DENND2B: variants seen among roughly 807,000 people sequenced by gnomAD.
DENND2B encodes DENN domain-containing protein 2B.
In DENND2B, 32 loss-of-function variants were observed where a neutral mutation model predicts 116.0. The ratio of observed to expected loss-of-function variants is 0.28; its 90% CI spans 0.21 to 0.37. The LOEUF (loss-of-function observed/expected upper bound fraction) is 0.37, where lower values mean the gene tolerates loss of function less well. DENND2B is among the 10% of genes least tolerant of loss of function. The probability of loss-of-function intolerance (pLI) is 1.00; values close to 1 mark genes in which losing one functional copy is unlikely to be tolerated. For synonymous variants in DENND2B, 588 were observed against 583.9 expected, an observed-to-expected ratio of 1.01 and a Z score of -0.10; for missense variants, 1,276 against 1,477.7, an observed-to-expected ratio of 0.86 and a Z score of 2.24.
At chr11:8,881,503 T>C (rs142245533) in intron 1 of DENND2B, among the ~76,000 whole-genome samples, 231 of 152,316 alleles carry the variant, frequency 1.5e-3, no homozygotes, top group African/African-American at 5.4e-3. Flanking sequence ...ATTTCAACTA[T>C]GATTTTTTAA....
At chr11:8,729,048 C>T (rs1328313446) in intron 3 of DENND2B, among the ~76,000 whole-genome samples, 5 of 152,146 alleles carry the variant, frequency 3.3e-5, no homozygotes, top group Non-Finnish European at 7.3e-5. Flanking sequence ...CCTTTCTGCA[C>T]ATGGCAGGAA....
chr11:8,735,306 T>C (rs1238495418), intron 2 of DENND2B, among the ~76,000 whole-genome samples: 2 of 152,156 alleles, frequency 1.3e-5, no homozygotes, highest in Non-Finnish European at 2.9e-5. Context: ...CCGAGGCACC[T>C]CTGTCAATAG....
Position 8,762,784 on chromosome 11 carries a change from C to T in DENND2B, c.-25-12059G>A, listed in dbSNP as rs138170327. 9.3e-3 allele frequency among the ~76,000 whole-genome samples: 1,414 copies of T among 152,218 alleles called. 26 individuals carry two copies. The highest frequency in any genetic ancestry group is 0.033 in the African/African-American group (1,358 of 41,548). On this transcript the variant is annotated intron_variant, in intron 1 of 19. Transcript: ENST00000313726. ...CTGAGGCAGGAGAATCGCTTGAACC[C>T]GGGAGGCAGAGGTTGCGGTGAGCCA...
chr11:8,766,619 A>T, intron 1 of DENND2B: 1 of 1,289,078 alleles, frequency 7.8e-7, no homozygotes, highest in South Asian at 1.2e-5. Context: ...TTCTGGGTGA[A>T]GATCTGCACG....
intron 1 of DENND2B, among the ~76,000 whole-genome samples, chr11:8,899,761 T>C (rs183035219): frequency 6.6e-6 from 1 of 152,202 alleles, no homozygotes; most frequent in African/African-American, 2.4e-5. Flanking sequence ...CAGAGAGGAA[T>C]GTAGAACATC....
chr11:8,802,970 A>AT (rs2060486275), intron 1 of DENND2B, among the ~76,000 whole-genome samples: 1 of 152,200 alleles, frequency 6.6e-6, no homozygotes, highest in South Asian at 2.1e-4. Context: ...TTACTCAAAT[A>AT]TTTTTTAAGC....
chr11:8,815,133 G>A (rs1046459102), upstream of DENND2B, among the ~76,000 whole-genome samples: 1 of 151,928 alleles, frequency 6.6e-6, no homozygotes, highest in Non-Finnish European at 1.5e-5. Flanking sequence ...CAGCTCCCAC[G>A]ATGACAAGGT....
intron 1 of DENND2B, among the ~76,000 whole-genome samples, chr11:8,890,575 T>C (rs1462951258): frequency 3.9e-5 from 6 of 151,996 alleles, no homozygotes; most frequent in Non-Finnish European, 5.9e-5. Context: ...AACCATGGCA[T>C]GAGAACTACG....
In DENND2B at chr11:8,712,022, G is replaced by A. The variant is rs1430592025; in HGVS notation, c.2172+529C>T. The A allele has an allele frequency of 2.2e-6, 1 of 455,718 alleles. No homozygotes were observed. Among genetic ancestry groups the A allele is most frequent in the Admixed American group, 2.4e-5 (1 of 42,530 alleles). The allele number at this position is 455,718 out of a possible 1,614,324, so 28.2% of individuals were successfully genotyped here. ...GGAGCCAGCAGCCACGTGAAGAGCT[G>A]GAGAAAGCACATTCCTGGCAGAGGC... On this transcript the variant is annotated intron_variant, in intron 9 of 19. Transcript: ENST00000313726. This position sits in a 1 kb window ranked among gnomAD's most constrained non-coding sequence, Gnocchi z 4.4.
At chr11:8,857,858 C>T (rs1300310879) in intron 2 of DENND2B, among the ~76,000 whole-genome samples, 1 of 152,238 alleles carries the variant, frequency 6.6e-6, no homozygotes. Flanking sequence ...GACTAGTTCA[C>T]CCTATAGCCC....
intron 5 of DENND2B, 110 bp downstream of exon 5, chr11:8,717,631 T>G: frequency 1.5e-6 from 2 of 1,341,728 alleles, no homozygotes; most frequent in Non-Finnish European, 2.0e-6. Flanking sequence ...CTTTATCAAG[T>G]ACTAGTGAGG....
intron 1 of DENND2B, among the ~76,000 whole-genome samples, chr11:8,799,436 T>C (rs2060118959): frequency 6.6e-6 from 1 of 152,156 alleles, no homozygotes; most frequent in African/African-American, 2.4e-5. Context: ...AAAGCCTCAA[T>C]TCTCAGAACA....
Position 8,702,535 on chromosome 11 carries a change from C to A in DENND2B, c.2720+37G>T. Reference sequence around the variant, plus strand: ...TGATTCGCTTGTGGGTGTGCCTTCCCCCCTCCCTTCTGCTTTCTTGCCCGG... The same window carrying A: ...TGATTCGCTTGTGGGTGTGCCTTCCACCCTCCCTTCTGCTTTCTTGCCCGG... On this transcript the variant is annotated intron_variant, in intron 14 of 19. Coordinates refer to ENST00000313726, the MANE Select transcript of DENND2B (RefSeq NM_213618.2). This position sits in a 1 kb window ranked among gnomAD's most constrained non-coding sequence, Gnocchi z 4.6. 6.2e-7 allele frequency: 1 copy of A among 1,606,478 alleles called. No individual in the cohort carries two copies. Among genetic ancestry groups the A allele is most frequent in the South Asian group, 1.1e-5 (1 of 91,036 alleles).
Position 8,780,800 on chromosome 11 carries a change from G to T in DENND2B, c.-26+29717C>A, listed in dbSNP as rs114701676. On this transcript the variant is annotated intron_variant, in intron 1 of 19. Transcript: ENST00000313726. ...AGAAAAATCTGTTCAAGTGGTCCAC[G>T]AGGGCTAATGATCACAGGAGGGACA... Among the ~76,000 whole-genome samples the T allele has an allele frequency of 5.4e-3, 824 of 152,318 alleles. 11 individuals are homozygous for T. The highest frequency in any genetic ancestry group is 0.019 in the African/African-American group (769 of 41,548).
chr11:8,716,606 T>C (rs2044844876), intron 5 of DENND2B, among the ~76,000 whole-genome samples: 1 of 151,624 alleles, frequency 6.6e-6, no homozygotes, highest in South Asian at 2.1e-4. Context: ...CAATGCAAAC[T>C]CAGGGGAAGC....
chr11:8,879,734 A>G (rs1187065625), intron 2 of DENND2B, among the ~76,000 whole-genome samples: 3 of 152,190 alleles, frequency 2.0e-5, no homozygotes, highest in Admixed American at 2.0e-4. Flanking sequence ...AGACATCTCC[A>G]GATATCCTGA....
At chr11:8,802,441 C>T (rs748178686) in intron 1 of DENND2B, among the ~76,000 whole-genome samples, 3 of 152,152 alleles carry the variant, frequency 2.0e-5, no homozygotes, top group Non-Finnish European at 2.9e-5. Flanking sequence ...TTGTTACAGC[C>T]CCATGAGATA....
At position 8,699,204 on chromosome 11, in the gene DENND2B, G is replaced by GT; in HGVS notation, c.2898+8dup. On this transcript the variant is annotated intron_variant, in intron 15 of 19. Transcript: ENST00000313726. ...CCCTTCCCCCCAGCTGGTTCCCCCG[G>GT]TGGCCCACCTCCTCCACAGGCAGCT... is the stretch of plus-strand genomic sequence containing the variant. 2 of 1,550,134 alleles carry GT rather than the reference G, an allele frequency of 1.3e-6. No homozygotes were observed. Among genetic ancestry groups the GT allele is most frequent in the Non-Finnish European group, 1.7e-6 (2 of 1,153,684 alleles).
At chr11:8,864,416 C>T (rs550672496) in intron 2 of DENND2B, among the ~76,000 whole-genome samples, 19 of 152,064 alleles carry the variant, frequency 1.2e-4, no homozygotes, top group Admixed American at 7.9e-4. Context: ...CACAGACACG[C>T]ACCGCCACGC....
Sources: gnomAD v4.1 joint callset for allele counts (sites outside exome capture counted in the v4.1 genomes callset) on GRCh38, gnomAD v4.1.1 for gene constraint, Gnocchi (gnomAD v3.1) non-coding constraint, MANE v1.5 for transcripts, NCBI Gene and HGNC (gene_info 2026-07-23, HGNC 2026-07-21) for gene names.